The following TTBK2 variants were observed in gnomAD, a reference collection of about 807,000 sequenced individuals.
The protein encoded by TTBK2 is tau tubulin kinase 2, also known as tau-tubulin kinase 2.
TTBK2 carries 28 observed loss-of-function variants against 110.8 expected under a neutral mutation model. The ratio of observed to expected loss-of-function variants is 0.25; its 90% confidence interval spans 0.19 to 0.35. TTBK2 has a LOEUF of 0.35. Among genes scored for constraint, TTBK2 ranks in the 10% least tolerant of loss-of-function variants. The pLI is 1.00. For synonymous variants in TTBK2, 532 were observed against 527.3 expected, an observed-to-expected ratio of 1.01 and a Z score of -0.12; for missense variants, 1,369 against 1,500.3, an observed-to-expected ratio of 0.91 and a Z score of 1.45.
chr15:42,857,062 CAA>C (rs766162513), intron 3 of TTBK2, among the ~76,000 whole-genome samples: 11 of 108,860 alleles, frequency 1.0e-4, no homozygotes, highest in South Asian at 8.5e-4. Context: ...CTCTGTCTCA[CAA>C]AAAAAAAAAA....
At chr15:42,911,060 C>T (rs563824158) in intron 1 of TTBK2, among the ~76,000 whole-genome samples, 7 of 145,264 alleles carry the variant, frequency 4.8e-5, no homozygotes, top group African/African-American at 1.8e-4. Context: ...AAAAAAAAAA[C>T]GGTGAAAAAA....
chr15:42,887,291 C>T (rs1290955690), intron 1 of TTBK2, among the ~76,000 whole-genome samples: 1 of 152,138 alleles, frequency 6.6e-6, no homozygotes, highest in African/African-American at 2.4e-5. Context: ...GCTATAGCCA[C>T]ACCTCATTGC....
chr15:42,878,773 T>C (rs902695226), intron 1 of TTBK2, 89 bp from the exon 2 acceptor site: 14 of 1,461,380 alleles, frequency 9.6e-6, no homozygotes, highest in Non-Finnish European at 1.3e-5. Flanking sequence ...GCACTACTAA[T>C]ACTATACACT....
intron 1 of TTBK2, among the ~76,000 whole-genome samples, chr15:42,882,014 T>C (rs904774294): frequency 1.3e-5 from 2 of 151,898 alleles, no homozygotes; most frequent in South Asian, 2.1e-4. Context: ...TTACACAATG[T>C]GAAGATAAAA....
At chr15:42,801,824 T>C (rs754165110) in intron 9 of TTBK2, 7 of 872,746 alleles carry the variant, frequency 8.0e-6, no homozygotes. Context: ...ACATACTCCT[T>C]GATGAGCACA....
chr15:42,796,153 C>A (rs1336407848), intron 9 of TTBK2, among the ~76,000 whole-genome samples: 1 of 152,114 alleles, frequency 6.6e-6, no homozygotes, highest in Non-Finnish European at 1.5e-5. Flanking sequence ...CCTGTAATCC[C>A]AGCACTTTGG....
At chr15:42,820,613 T>C (rs1162505755) in intron 6 of TTBK2, among the ~76,000 whole-genome samples, 1 of 152,302 alleles carries the variant, frequency 6.6e-6, no homozygotes, top group East Asian at 1.9e-4. Context: ...CAGCAAAAGA[T>C]TTTGTGCAAC....
rs34711312 is a variant in TTBK2, at chr15:42,740,552, C to CTTTTT, written c.*5238_*5242dup. ...GGGCATAGACTTTATTTTTGTTTTA[C>CTTTTT]TTTTTTTTTTTTTTTTTTTTGAGAC... On this transcript the variant is annotated 3_prime_UTR_variant, in exon 15 of 15. Coordinates refer to ENST00000267890, the MANE Select transcript of TTBK2 (RefSeq NM_173500.4). 1.5e-5 allele frequency: 2 copies of CTTTTT among 131,804 alleles called. No homozygotes were observed. Among genetic ancestry groups the CTTTTT allele is most frequent in the East Asian group, 2.2e-4 (1 of 4,584 alleles). 8.2% of individuals were successfully genotyped at this position (131,804 alleles called of 1,614,324 possible).
At chr15:42,750,245 G>GA (rs1185189889) in intron 14 of TTBK2, among the ~76,000 whole-genome samples, 10 of 151,980 alleles carry the variant, frequency 6.6e-5, no homozygotes, top group Admixed American at 5.9e-4. Context: ...ATTCCAAGGA[G>GA]AAAAAAATGT....
rs762195077 is a variant in TTBK2 at position 42,775,632 on chromosome 15, T to C, written c.1501A>G (p.Thr501Ala). Residue 501 changes from threonine to alanine, a missense_variant, in exon 13 of 15, where the codon ACT becomes GCT. By Grantham distance (58) the Thr-to-Ala change is moderately conservative. Around this residue, in one of 4 missense-constraint regions of TTBK2, gnomAD observed 1,097 missense variants for 1,114.7 expected, o/e 0.98. Coordinates refer to ENST00000267890, the MANE Select transcript of TTBK2 (RefSeq NM_173500.4). ...TCATCATAGTGCCAGATGTGGTCAG[T>C]ACGGGACACAGCAGGAACGCAAGGC... ...HKPCVPAVSRTDHIWHYDEEY... is the reference protein window; with the variant it reads ...HKPCVPAVSRADHIWHYDEEY... 1.3e-5 allele frequency: 21 copies of C among 1,613,586 alleles called. No individual in the cohort carries two copies. Among genetic ancestry groups the C allele is most frequent in the Non-Finnish European group, 1.8e-5 (21 of 1,179,740 alleles).
intron 3 of TTBK2, among the ~76,000 whole-genome samples, chr15:42,843,851 A>G (rs1201331941): frequency 6.6e-6 from 1 of 151,554 alleles, no homozygotes. Flanking sequence ...GGTGTTTGAG[A>G]TATTTTTTAG....
chr15:42,853,940 T>A (rs1416943502), intron 3 of TTBK2, among the ~76,000 whole-genome samples: 2 of 151,980 alleles, frequency 1.3e-5, no homozygotes, highest in African/African-American at 2.4e-5. Context: ...ATTTTTTTTT[T>A]ATTTATTTAC....
chr15:42,751,086 T>C (rs535049193), intron 14 of TTBK2, among the ~76,000 whole-genome samples: 2 of 152,228 alleles, frequency 1.3e-5, no homozygotes, highest in Non-Finnish European at 2.9e-5. Context: ...GGGAGTCCTG[T>C]AGGTTGAAAT....
chr15:42,754,087 T>C (rs2061908339), intron 13 of TTBK2, among the ~76,000 whole-genome samples: 1 of 62,974 alleles, frequency 1.6e-5, no homozygotes, highest in Non-Finnish European at 2.5e-5. Context: ...AATGTTTTCT[T>C]TTTTTTTTTT....
intron 1 of TTBK2, among the ~76,000 whole-genome samples, chr15:42,909,893 C>A (rs1769012120): frequency 1.3e-5 from 2 of 152,080 alleles, no homozygotes; most frequent in Non-Finnish European, 2.9e-5. Flanking sequence ...AGCCAGGCAG[C>A]TTACACCTGT....
intron 6 of TTBK2, among the ~76,000 whole-genome samples, chr15:42,826,182 A>T (rs1479513985): frequency 6.6e-6 from 1 of 152,168 alleles, no homozygotes; most frequent in Non-Finnish European, 1.5e-5. Context: ...TTGATTTTAC[A>T]TTAGTAGAAT....
intron 2 of TTBK2, among the ~76,000 whole-genome samples, chr15:42,876,060 T>C (rs1385458897): frequency 6.6e-6 from 1 of 151,900 alleles, no homozygotes; most frequent in Non-Finnish European, 1.5e-5. Flanking sequence ...GAAGAAACCA[T>C]GTATAAATGG....
intron 1 of TTBK2, among the ~76,000 whole-genome samples, chr15:42,906,032 T>C (rs550972705): frequency 5.3e-5 from 8 of 151,902 alleles, no homozygotes; most frequent in Non-Finnish European, 1.0e-4. Flanking sequence ...CTACTAAAAA[T>C]ACAAAATTAG....
rs868860038 is a variant in TTBK2 at position 42,816,071 on chromosome 15, A to T, written c.603+961T>A. On this transcript the variant is annotated intron_variant, in intron 7 of 14. Coordinates refer to ENST00000267890, the MANE Select transcript of TTBK2 (RefSeq NM_173500.4). ...CTCTATATAAAAATATATATATATA[A>T]AAATAAATAAATAAATATATATATA... 9.7e-3 allele frequency among the ~76,000 whole-genome samples: 836 copies of T among 86,026 alleles called. 5 individuals carry two copies. Among genetic ancestry groups the T allele is most frequent in the South Asian group, 0.013 (35 of 2,688 alleles). The allele number at this position is 86,026 out of a possible 152,430, so 56.4% of individuals were successfully genotyped here.
Sources: allele counts gnomAD v4.1 joint callset (sites outside exome capture counted in the v4.1 genomes callset), GRCh38; gene constraint gnomAD v4.1.1; regional missense constraint gnomAD v4.1.1; transcripts MANE v1.5; gene names NCBI Gene and HGNC (gene_info 2026-07-23, HGNC 2026-07-21).